HKDC1: variants seen among roughly 807,000 people sequenced by gnomAD.
HKDC1 encodes hexokinase domain containing 1, also known as hexokinase HKDC1.
In HKDC1, 66 loss-of-function variants were observed where a neutral mutation model predicts 96.6. The ratio of observed to expected loss-of-function variants is 0.68; its 90% CI spans 0.56 to 0.84. HKDC1 has a LOEUF of 0.84. Among genes scored for constraint, HKDC1 ranks in the 40% least tolerant of loss-of-function variants. HKDC1 has a pLI of 0.00. For missense variants in HKDC1, 1,211 were observed against 1,208.1 expected, an observed-to-expected ratio of 1.00 and a Z score of -0.04; for synonymous variants, 466 against 473.1, an observed-to-expected ratio of 0.98 and a Z score of 0.20.
At chr10:69,232,216 C>T (rs1341331385) in intron 2 of HKDC1, among the ~76,000 whole-genome samples, 2 of 151,930 alleles carry the variant, frequency 1.3e-5, no homozygotes. Flanking sequence ...TGGAGTGGCT[C>T]TGGCCTAAAA....
chr10:69,248,571 C>T lies in HKDC1; in HGVS notation c.1413C>T (p.Asp471=), dbSNP rs1466413224. The change falls in exon 10 of 18, where the codon GAC becomes GAT. Residue 471 remains aspartate (D), a synonymous_variant. Coordinates refer to ENST00000354624, the MANE Select transcript of HKDC1 (RefSeq NM_025130.4). ...TGCAGGCCCAGCGGAAGCAGATCGA[C>T]AGGGTGCTGGCTTTGTTCCAGCTGA... ...SRVQAQRKQI[D]RVLALFQLTR... 1.9e-6 allele frequency: 3 copies of T among 1,614,108 alleles called. No homozygotes were observed. Among genetic ancestry groups the T allele is most frequent in the East Asian group, 2.2e-5 (1 of 44,884 alleles).
chr10:69,226,265 G>T (rs1354192502), intron 1 of HKDC1, among the ~76,000 whole-genome samples: 1 of 152,194 alleles, frequency 6.6e-6, no homozygotes, highest in Non-Finnish European at 1.5e-5. Context: ...CTGGTTACAT[G>T]AGTGACATCC....
At chr10:69,244,295 C>T (rs1843503701) in intron 7 of HKDC1, among the ~76,000 whole-genome samples, 2 of 152,182 alleles carry the variant, frequency 1.3e-5, no homozygotes, top group Non-Finnish European at 2.9e-5. Context: ...TTCCTAGCCC[C>T]AGCCCTGGAA....
chr10:69,228,486 A>G (rs1316460195), intron 2 of HKDC1, among the ~76,000 whole-genome samples: 1 of 152,120 alleles, frequency 6.6e-6, no homozygotes, highest in Non-Finnish European at 1.5e-5. Flanking sequence ...TTTGCCTACA[A>G]TGGCCTAGAA....
At chr10:69,243,953 T>G (rs1235426934) in intron 7 of HKDC1, among the ~76,000 whole-genome samples, 1 of 152,162 alleles carries the variant, frequency 6.6e-6, no homozygotes, top group African/African-American at 2.4e-5. Context: ...ATGTGCATGA[T>G]AGGCACTGAA....
At position 69,262,045 on chromosome 10, in the gene HKDC1, CTCTT is replaced by C. The variant is rs770844857; in HGVS notation, c.2372+757_2372+760del. On this transcript the variant is annotated intron_variant, in intron 16 of 17. Transcript: ENST00000354624. ...GTGGCATTGAGTTGTCTGTCTGTCT[CTCTT>C]TCTTTTAGGATGTTATCAGTCATTG... 2.6e-5 allele frequency: 11 copies of C among 420,920 alleles called. No homozygotes were observed. The Admixed American group carries it at 2.8e-4, about 11-fold the overall frequency. The allele number at this position is 420,920 out of a possible 1,614,324, so 26.1% of individuals were successfully genotyped here.
At chr10:69,265,016 A>G (rs1843871574) in intron 16 of HKDC1, among the ~76,000 whole-genome samples, 1 of 152,226 alleles carries the variant, frequency 6.6e-6, no homozygotes, top group Non-Finnish European at 1.5e-5. Flanking sequence ...TCACTTGCTC[A>G]TTGAATATAC....
chr10:69,232,585 T>G, intron 2 of HKDC1, 179 bp from the exon 3 acceptor site: 2 of 627,356 alleles, frequency 3.2e-6, no homozygotes, highest in Non-Finnish European at 5.6e-6. Context: ...ATCTCAGCTC[T>G]GCGCCTTACC....
At chr10:69,250,137 G>A (rs113443343) in intron 10 of HKDC1, among the ~76,000 whole-genome samples, 153 bp from the exon 11 acceptor site, 3,762 of 152,212 alleles carry the variant, frequency 0.025, 166 homozygotes, top group African/African-American at 0.083. Flanking sequence ...CCCGGGGCCC[G>A]GGCACTGTGC....
In HKDC1 at chr10:69,247,521, G is replaced by A. The variant is rs746771373; in HGVS notation, c.1193G>A (p.Arg398Gln). ...AALAAILTRL[R>Q]ENKKVERLRT... ...CTGGCGGCCATCCTGACACGCCTCC[G>A]GGAGAACAAGAAGGTGGAACGGCTC... The change falls in exon 9 of 18, where the codon CGG becomes CAG. Residue 398 changes from arginine (R) to glutamine (Q), a missense_variant. By Grantham distance (43) the Arg-to-Gln change is conservative (BLOSUM62 1). Transcript: ENST00000354624. 20 of 1,614,144 alleles carry A rather than the reference G, an allele frequency of 1.2e-5. No homozygotes were observed. The highest frequency in any genetic ancestry group is 8.9e-5 in the East Asian group (4 of 44,880).
At chr10:69,223,274 C>A (rs1843096067) in intron 1 of HKDC1, 1 of 152,124 alleles carries the variant, frequency 6.6e-6, no homozygotes, top group African/African-American at 2.4e-5. Context: ...GTAATTCCAC[C>A]TTTAATTTAC....
intron 15 of HKDC1, 93 bp from the exon 16 acceptor site, chr10:69,261,046 G>C (rs1463224251): frequency 8.7e-7 from 1 of 1,146,856 alleles, no homozygotes; most frequent in Non-Finnish European, 1.3e-6. Flanking sequence ...TCTGGATCTT[G>C]CTCCATGCGT....
intron 10 of HKDC1, among the ~76,000 whole-genome samples, chr10:69,249,541 G>C (rs908453385): frequency 6.6e-6 from 1 of 152,136 alleles, no homozygotes; most frequent in Non-Finnish European, 1.5e-5. Flanking sequence ...TGTCACCCAG[G>C]CTGGAGTGCA....
chr10:69,260,449 T>C (rs1440565112), intron 15 of HKDC1, among the ~76,000 whole-genome samples: 2 of 152,184 alleles, frequency 1.3e-5, no homozygotes, highest in African/African-American at 4.8e-5. Flanking sequence ...CACTGAAGGC[T>C]CACATTTTTG....
rs367572392 is a variant in HKDC1, at chr10:69,248,559, G to C, written c.1401G>C (p.Arg467=). The part of the protein sequence containing the change: ...TAVASRVQAQ[R]KQIDRVLALF... Reference sequence around the variant, plus strand: ...TGGCCTCCCGCGTGCAGGCCCAGCGGAAGCAGATCGACAGGGTGCTGGCTT... The same window carrying C: ...TGGCCTCCCGCGTGCAGGCCCAGCGCAAGCAGATCGACAGGGTGCTGGCTT... The change falls in exon 10 of 18, where the codon CGG becomes CGC. Residue 467 remains arginine (R), a synonymous_variant. Transcript: ENST00000354624. The C allele has an allele frequency of 1.2e-6, 2 of 1,614,134 alleles. No homozygotes were observed. Among genetic ancestry groups the C allele is most frequent in the Non-Finnish European group, 1.7e-6 (2 of 1,180,042 alleles).
At position 69,250,632 on chromosome 10, in the gene HKDC1, A is replaced by C; in HGVS notation, c.1816A>C (p.Arg606=). 6.2e-7 allele frequency: 1 copy of C among 1,613,950 alleles called. No homozygotes were observed. The highest frequency in any genetic ancestry group is 8.5e-7 in the Non-Finnish European group (1 of 1,180,008). Residue 606 remains arginine, a synonymous_variant, in exon 12 of 18, where the codon AGG becomes CGG. Transcript: ENST00000354624. ...PLGFTFSFPC[R]QMSIDKGTLI... ...GGGCTTCACATTCTCATTTCCCTGC[A>C]GGCAGATGAGCATTGACAAGGTAAG...
chr10:69,256,085 T>C (rs1843713638), intron 12 of HKDC1, among the ~76,000 whole-genome samples: 1 of 152,194 alleles, frequency 6.6e-6, no homozygotes, highest in South Asian at 2.1e-4. Flanking sequence ...TTGGTGTATA[T>C]ATTATTCCAG....
intron 8 of HKDC1, among the ~76,000 whole-genome samples, chr10:69,246,728 A>C (rs1843547336): frequency 6.6e-6 from 1 of 152,224 alleles, no homozygotes; most frequent in African/African-American, 2.4e-5. Context: ...CCTTACACAC[A>C]GGTCCCTCGC....
At chr10:69,253,539 G>C (rs760575497) in intron 12 of HKDC1, among the ~76,000 whole-genome samples, 1 of 152,218 alleles carries the variant, frequency 6.6e-6, no homozygotes, top group African/African-American at 2.4e-5. Flanking sequence ...ACCTTGAGCA[G>C]ATTATTTAAC....
Sources: allele counts gnomAD v4.1 joint callset (sites outside exome capture counted in the v4.1 genomes callset), GRCh38; gene constraint gnomAD v4.1.1; transcripts MANE v1.5; gene names NCBI Gene and HGNC (gene_info 2026-07-23, HGNC 2026-07-21).